LRPPRC: variants seen among roughly 807,000 people sequenced by gnomAD.
LRPPRC encodes leucine rich pentatricopeptide repeat containing.
In LRPPRC, 120 loss-of-function variants were observed where a neutral mutation model predicts 180.3. The observed-to-expected ratio is 0.67, with a 90% CI of 0.57 to 0.77. The LOEUF is 0.77. Ranked by LOEUF, LRPPRC falls within the 30% of genes least tolerant of loss-of-function variation. LRPPRC has a pLI of 0.00. For synonymous variants in LRPPRC, 723 were observed against 600.0 expected (o/e 1.21, Z -3.00); for missense variants, 2,012 against 1,657.2 (o/e 1.21, Z -3.72).
In LRPPRC at chr2:43,974,294, A is replaced by G. The variant is rs2103713685; in HGVS notation, c.1011T>C (p.Asp337=). The G allele has an allele frequency of 6.2e-7, 1 of 1,609,810 alleles. No individual in the cohort carries two copies. Among genetic ancestry groups the G allele is most frequent in the East Asian group, 2.2e-5 (1 of 44,842 alleles). Residue 337 remains aspartate, a splice_region_variant and synonymous_variant, in exon 9 of 38, where the codon GAT becomes GAC. Transcript: ENST00000260665. ...KVTCERRYIP[D]AMNLILLLVT... ...CTAAAAGTAAAATGAGGTTCATTGCATCTGGGAAGAAAACAAAGACATCTT... is the reference window on the plus strand; with the variant it reads ...CTAAAAGTAAAATGAGGTTCATTGCGTCTGGGAAGAAAACAAAGACATCTT...
In LRPPRC at chr2:43,957,273, G is replaced by A. The variant is rs182106902; in HGVS notation, c.1649+112C>T. The A allele has an allele frequency of 3.6e-4, 295 of 808,462 alleles. 3 individuals are homozygous for A. In the East Asian group the frequency reaches 6.1e-3, roughly 17 times the overall value. The allele number at this position is 808,462 out of a possible 1,614,324, so 50.1% of individuals were successfully genotyped here. A position where few individuals can be genotyped will look rare whatever the true frequency, so the allele number is the denominator to read the frequency against. ...AAGCAAAGGTTATTTCAGGTAAACT[G>A]AATGTACACTGAAAGATAAGAATAT... is the stretch of plus-strand genomic sequence containing the variant. On this transcript the variant is annotated intron_variant, in intron 14 of 37. Transcript: ENST00000260665.
At chr2:43,955,433 C>T (rs1213915922) in intron 14 of LRPPRC, among the ~76,000 whole-genome samples, 1 of 146,418 alleles carries the variant, frequency 6.8e-6, no homozygotes, top group African/African-American at 2.5e-5. Flanking sequence ...CGTACCACTG[C>T]ACTGCAGCCT....
chr2:43,933,155 C>G (rs757585817), intron 25 of LRPPRC, among the ~76,000 whole-genome samples: 1 of 152,178 alleles, frequency 6.6e-6, no homozygotes, highest in African/African-American at 2.4e-5. Context: ...TGTCTGCTGA[C>G]AAGTGGGCAG....
At chr2:43,974,947 TATA>T (rs1673985928) in intron 7 of LRPPRC, 141 bp downstream of exon 7, 1 of 963,546 alleles carries the variant, frequency 1.0e-6, no homozygotes, top group South Asian at 1.4e-5. Flanking sequence ...GATACTAAAC[TATA>T]ATAATTCTCC....
intron 23 of LRPPRC, among the ~76,000 whole-genome samples, 189 bp downstream of exon 23, chr2:43,943,498 G>A (rs929734920): frequency 2.6e-5 from 4 of 151,988 alleles, no homozygotes; most frequent in Non-Finnish European, 5.9e-5. Flanking sequence ...CCATTGATAT[G>A]TAAAGCCACA....
rs1265560861 is a variant in LRPPRC, at chr2:43,887,641, ATAT to A, written c.*956_*958del. The A allele has an allele frequency of 2.0e-5, 3 of 152,218 alleles. No homozygotes were observed. The highest frequency in any genetic ancestry group is 6.5e-5 in the Admixed American group (1 of 15,282). 9.4% of individuals were successfully genotyped at this position (152,218 alleles called of 1,614,324 possible). A position where few individuals can be genotyped will look rare whatever the true frequency, so the allele number is the denominator to read the frequency against. On this transcript the variant is annotated 3_prime_UTR_variant, in exon 38 of 38. Coordinates refer to ENST00000260665, the MANE Select transcript of LRPPRC (RefSeq NM_133259.4). ...TCATCTCCAGTTAGGTCAATATTCC[ATAT>A]TATTAAGACACCTTTTATAATGGCA...
chr2:43,916,094 A>C (rs1192001913), intron 29 of LRPPRC, among the ~76,000 whole-genome samples: 2 of 152,146 alleles, frequency 1.3e-5, no homozygotes, highest in African/African-American at 4.8e-5. Context: ...GGAAATTAAG[A>C]AGTTCTATAA....
intron 2 of LRPPRC, 103 bp from the exon 3 acceptor site, chr2:43,980,051 G>T: frequency 8.9e-7 from 1 of 1,126,150 alleles, no homozygotes; most frequent in Non-Finnish European, 1.3e-6. Context: ...AAAATCTTCT[G>T]GCTCAAACTG....
intron 12 of LRPPRC, among the ~76,000 whole-genome samples, chr2:43,960,956 G>A (rs1188079375): frequency 3.9e-5 from 6 of 152,024 alleles, no homozygotes; most frequent in African/African-American, 1.4e-4. Context: ...ATATTTTGGG[G>A]CATACAGTTT....
At chr2:43,943,494 A>C (rs77829173) in intron 23 of LRPPRC, among the ~76,000 whole-genome samples, 193 bp downstream of exon 23, 57 of 152,172 alleles carry the variant, frequency 3.7e-4, no homozygotes, top group Non-Finnish European at 5.6e-4. Context: ...TATTCCATTG[A>C]TATGTAAAGC....
Position 43,918,090 on chromosome 2 carries a change from G to A in LRPPRC, c.3083C>T (p.Ala1028Val). ...CTGGAAATCAGGTTCTGTGGTTGAG[G>A]CTGACGAAGAATTCAGGGAATGTTT... ...DEKHSLNSSS[A>V]STTEPDFQKD... The change falls in exon 29 of 38, where the codon GCC (alanine) becomes GTC (valine). Residue 1028 changes from alanine (A) to valine (V), a missense_variant. Ala to Val is a moderately conservative substitution (Grantham distance 64, BLOSUM62 0). Transcript: ENST00000260665. 1 of 1,613,716 alleles carries A rather than the reference G, an allele frequency of 6.2e-7. No homozygotes were observed. The highest frequency in any genetic ancestry group is 8.5e-7 in the Non-Finnish European group (1 of 1,179,932).
At position 43,947,263 on chromosome 2, in the gene LRPPRC, T is replaced by C. The variant is rs1187162683; in HGVS notation, c.2073A>G (p.Ser691=). 2 of 1,538,960 alleles carry C rather than the reference T, an allele frequency of 1.3e-6. No homozygotes were observed. Among genetic ancestry groups the C allele is most frequent in the African/African-American group, 2.7e-5 (2 of 73,190 alleles). ...VLKQLILVLC[S]EENMQKALEL... is the part of the protein sequence containing the mutation. ...ATATTAAAACAAATGTTACCTCTTC[T>C]GAACAAAGCACTAATATGAGTTGCT... Residue 691 remains serine (S), a synonymous_variant, in exon 20 of 38, where the codon TCA becomes TCG. Transcript: ENST00000260665.
chr2:43,889,339 A>AAAAG (rs56072301), intron 37 of LRPPRC, among the ~76,000 whole-genome samples: 1 of 147,138 alleles, frequency 6.8e-6, no homozygotes, highest in African/African-American at 2.5e-5. Context: ...AAAAAAAAAA[A>AAAAG]GGCAAAATTT....
chr2:43,903,122 A>G (rs1225805187), intron 31 of LRPPRC: 1 of 152,258 alleles, frequency 6.6e-6, no homozygotes, highest in Non-Finnish European at 1.5e-5. Flanking sequence ...AGACCATTTC[A>G]CATCTGTCTA....
chr2:43,960,350 A>G (rs1338084920), intron 13 of LRPPRC, among the ~76,000 whole-genome samples, 191 bp downstream of exon 13: 1 of 152,194 alleles, frequency 6.6e-6, no homozygotes, highest in Non-Finnish European at 1.5e-5. Flanking sequence ...TACATATAAT[A>G]TTCAATGTCC....
chr2:43,897,634 G>T (rs1670732500), intron 34 of LRPPRC, among the ~76,000 whole-genome samples: 1 of 152,138 alleles, frequency 6.6e-6, no homozygotes, highest in Non-Finnish European at 1.5e-5. Context: ...GTCTAGTGAT[G>T]AGATGGTAAA....
intron 31 of LRPPRC, chr2:43,901,725 G>T: frequency 1.8e-6 from 1 of 553,520 alleles, no homozygotes; most frequent in Non-Finnish European, 3.2e-6. Flanking sequence ...AGATATTAGA[G>T]GCCCGAGGAA....
At chr2:43,902,839 CAAT>C (rs1282307753) in intron 31 of LRPPRC, 1 of 151,974 alleles carries the variant, frequency 6.6e-6, no homozygotes, top group African/African-American at 2.4e-5. Context: ...TACATCAAAA[CAAT>C]AATAACAAAA....
At chr2:43,988,431 G>A (rs1051774125) in intron 1 of LRPPRC, among the ~76,000 whole-genome samples, 3 of 151,882 alleles carry the variant, frequency 2.0e-5, no homozygotes, top group Admixed American at 2.0e-4. Flanking sequence ...AGCTAGTTGG[G>A]AGGCTGAGGC....
Sources: allele counts gnomAD v4.1 joint callset (sites outside exome capture counted in the v4.1 genomes callset), GRCh38; gene constraint gnomAD v4.1.1; transcripts MANE v1.5; gene names NCBI Gene and HGNC (gene_info 2026-07-23, HGNC 2026-07-21).